RXFP2: variants seen among roughly 807,000 people sequenced by gnomAD.
The protein encoded by RXFP2 is relaxin family peptide receptor 2.
RXFP2 carries 68 observed loss-of-function variants against 88.6 expected under a neutral mutation model. The ratio of observed to expected loss-of-function variants is 0.77; its 90% CI spans 0.63 to 0.94. The LOEUF (loss-of-function observed/expected upper bound fraction) is 0.94. RXFP2 is among the 40% of genes least tolerant of loss of function. RXFP2 has a pLI of 0.00. For synonymous variants in RXFP2, 329 were observed against 306.8 expected (o/e 1.07, Z -0.76); for missense variants, 791 against 893.9 (o/e 0.88, Z 1.47).
chr13:31,746,063 A>G (rs1171958215), intron 1 of RXFP2, among the ~76,000 whole-genome samples: 1 of 152,190 alleles, frequency 6.6e-6, no homozygotes, highest in Non-Finnish European at 1.5e-5. Flanking sequence ...TTCATCCACA[A>G]TACTTACATA....
chr13:31,754,519 A>G lies in RXFP2; in HGVS notation c.95-3739A>G, dbSNP rs943580926. Among the ~76,000 whole-genome samples, 6 of 152,132 alleles carry G rather than the reference A, an allele frequency of 3.9e-5. No individual in the cohort carries two copies. In the East Asian group the frequency reaches 1.2e-3, roughly 29 times the overall value. On this transcript the variant is annotated intron_variant, in intron 1 of 17. Coordinates refer to ENST00000298386, the MANE Select transcript of RXFP2 (RefSeq NM_130806.5). ...GCACTCCAGCCTGGGTGACAGGGCA[A>G]GATTCCATCTCAAGAAGAAAAAAAA...
intron 1 of RXFP2, among the ~76,000 whole-genome samples, chr13:31,750,041 AT>A (rs1351094658): frequency 6.6e-6 from 1 of 152,220 alleles, no homozygotes; most frequent in Non-Finnish European, 1.5e-5. Flanking sequence ...TTGCATAGTT[AT>A]TTTAAAGTCA....
chr13:31,802,333 C>T lies in RXFP2; in HGVS notation c.2193C>T (p.Asp731=), dbSNP rs764735242. The change falls in exon 18 of 18, where the codon GAC becomes GAT. Residue 731 remains aspartate, a synonymous_variant. Coordinates refer to ENST00000298386, the MANE Select transcript of RXFP2 (RefSeq NM_130806.5). ...SLSTSIVWIE[D]SSSLKLGVLN... ...CTACATCCATTGTGTGGATAGAGGA[C>T]TCCTCTTCCCTGAAACTTGGGGTTT... 10 of 1,612,242 alleles carry T rather than the reference C, an allele frequency of 6.2e-6. No individual in the cohort carries two copies. The Admixed American group carries it at 1.0e-4, about 16-fold the overall frequency.
rs557488399 is a variant in RXFP2 at position 31,769,281 on chromosome 13, G to A, written c.497+3254G>A. Among the ~76,000 whole-genome samples, 3 of 152,186 alleles carry A rather than the reference G, an allele frequency of 2.0e-5. No individual in the cohort carries two copies. In the South Asian group the frequency reaches 6.2e-4, roughly 32 times the overall value. ...TTTCAAACAATTCACTAATAATTTT[G>A]TCCACATTACCACTGCTCAAGGCGC... On this transcript the variant is annotated intron_variant, in intron 5 of 17. Coordinates refer to ENST00000298386, the MANE Select transcript of RXFP2 (RefSeq NM_130806.5).
chr13:31,746,473 G>A (rs1466341898), intron 1 of RXFP2, among the ~76,000 whole-genome samples: 1 of 152,128 alleles, frequency 6.6e-6, no homozygotes, highest in Non-Finnish European at 1.5e-5. Flanking sequence ...AAATAGTATA[G>A]TTCAAAAACT....
At chr13:31,789,941 G>A (rs1396225340) in intron 14 of RXFP2, among the ~76,000 whole-genome samples, 2 of 152,106 alleles carry the variant, frequency 1.3e-5, no homozygotes, top group African/African-American at 4.8e-5. Flanking sequence ...ACATGGTTTT[G>A]TTCATTTTCT....
At chr13:31,755,825 A>T (rs994982547) in intron 1 of RXFP2, among the ~76,000 whole-genome samples, 2 of 152,206 alleles carry the variant, frequency 1.3e-5, no homozygotes, top group Non-Finnish European at 2.9e-5. Flanking sequence ...CTACTGCAGC[A>T]ATAGCAGAGA....
chr13:31,792,201 G>C (rs1873829729), intron 15 of RXFP2, among the ~76,000 whole-genome samples, 166 bp downstream of exon 15: 1 of 151,926 alleles, frequency 6.6e-6, no homozygotes, highest in Non-Finnish European at 1.5e-5. Context: ...TTGTGGCTTT[G>C]TTTTAGGTTG....
At chr13:31,788,827 C>A (rs1452009975) in intron 13 of RXFP2, among the ~76,000 whole-genome samples, 1 of 152,180 alleles carries the variant, frequency 6.6e-6, no homozygotes, top group Non-Finnish European at 1.5e-5. Flanking sequence ...TAAAATCAAA[C>A]TACAGAGCCA....
intron 1 of RXFP2, 110 bp downstream of exon 1, chr13:31,739,816 A>C: frequency 1.3e-6 from 1 of 755,580 alleles, no homozygotes; most frequent in Non-Finnish European, 2.3e-6. Context: ...AAAAAAAAAC[A>C]GACATCAAAT....
chr13:31,778,515 T>G lies in RXFP2; in HGVS notation c.717T>G (p.Ser239=). The G allele has an allele frequency of 1.2e-6, 2 of 1,601,076 alleles. No individual in the cohort carries two copies. The highest frequency in any genetic ancestry group is 1.7e-6 in the Non-Finnish European group (2 of 1,168,298). Residue 239 remains serine, a synonymous_variant, in exon 9 of 18, where the codon TCT becomes TCG. Transcript: ENST00000298386. ...TTAACATTTTCTTTGTGTAAAGGTC[T>G]ATGGTTAATAACTACTTAGAAGCTC... ...FTGLNSLFFL[S]MVNNYLEALP... is the part of the protein sequence containing the mutation.
At chr13:31,750,053 G>C (rs911735631) in intron 1 of RXFP2, among the ~76,000 whole-genome samples, 8 of 152,110 alleles carry the variant, frequency 5.3e-5, no homozygotes, top group African/African-American at 1.7e-4. Context: ...TTTAAAGTCA[G>C]GATCTGGCAG....
rs66998436 is a variant in RXFP2, at chr13:31,799,219, C to CA, written c.2005+1814dup. On this transcript the variant is annotated intron_variant, in intron 17 of 17. Transcript: ENST00000298386. ...CCCACTACTGTCTCCACACTTTCTT[C>CA]AAAAAAAAAAAAAATGGAGTCTCGC... 7.5e-3 allele frequency among the ~76,000 whole-genome samples: 1,074 copies of CA among 143,216 alleles called. 12 individuals are homozygous for CA. The highest frequency in any genetic ancestry group is 0.023 in the African/African-American group (893 of 38,672). 94.0% of individuals were successfully genotyped at this position (143,216 alleles called of 152,430 possible).
intron 1 of RXFP2, among the ~76,000 whole-genome samples, chr13:31,748,663 CT>C (rs1871527128): frequency 6.6e-6 from 1 of 152,056 alleles, no homozygotes; most frequent in South Asian, 2.1e-4. Context: ...TGCAGCTTGT[CT>C]TTGCACTCTC....
At chr13:31,774,927 A>C (rs1264037216) in intron 6 of RXFP2, among the ~76,000 whole-genome samples, 1 of 152,190 alleles carries the variant, frequency 6.6e-6, no homozygotes, top group Non-Finnish European at 1.5e-5. Flanking sequence ...CTTCCACAAT[A>C]TTTTAGCATT....
intron 1 of RXFP2, among the ~76,000 whole-genome samples, chr13:31,757,035 A>G (rs1593449804): frequency 6.6e-6 from 1 of 152,216 alleles, no homozygotes; most frequent in Non-Finnish European, 1.5e-5. Flanking sequence ...TTACATTTAA[A>G]TTGCTAGAAT....
chr13:31,800,839 A>ATT (rs61066558), intron 17 of RXFP2, among the ~76,000 whole-genome samples: 86,999 of 151,174 alleles, frequency 0.58, 25,174 homozygotes, highest in East Asian at 0.76. Context: ...AGATTGTCTA[A>ATT]TTTTTTTAAA....
At chr13:31,793,934 C>G (rs1873910093) in intron 16 of RXFP2, among the ~76,000 whole-genome samples, 1 of 152,306 alleles carries the variant, frequency 6.6e-6, no homozygotes, top group South Asian at 2.1e-4. Context: ...GAATTATTAC[C>G]TTATCCCTTA....
rs530381783 is a variant in RXFP2, at chr13:31,751,845, G to A, written c.95-6413G>A. Among the ~76,000 whole-genome samples the A allele has an allele frequency of 1.9e-4, 29 of 152,122 alleles. No homozygotes were observed. The South Asian group carries it at 3.9e-3, about 21-fold the overall frequency. ...CACTGCCCATTCTCTCCATTCACTC[G>A]CCTCAGGCAGGCTTTAGGAAGAAGG... On this transcript the variant is annotated intron_variant, in intron 1 of 17. Coordinates refer to ENST00000298386, the MANE Select transcript of RXFP2 (RefSeq NM_130806.5).
Sources: gnomAD v4.1 joint callset for allele counts (sites outside exome capture counted in the v4.1 genomes callset) on GRCh38, gnomAD v4.1.1 for gene constraint, MANE v1.5 for transcripts, NCBI Gene and HGNC (gene_info 2026-07-23, HGNC 2026-07-21) for gene names.